The following TEX11 variants were observed in gnomAD, a reference collection of about 807,000 sequenced individuals.
TEX11 encodes the protein testis-expressed protein 11.
A neutral mutation model predicts 84.4 loss-of-function variants in TEX11; 7 were observed. The ratio of observed to expected loss-of-function variants is 0.08; its 90% CI spans 0.05 to 0.16. TEX11 has a LOEUF of 0.16. Ranked by LOEUF, TEX11 falls within the 10% of genes least tolerant of loss-of-function variation. The pLI is 1.00. For synonymous variants in TEX11, 264 were observed against 222.8 expected, an observed-to-expected ratio of 1.18 and a Z score of -1.64; for missense variants, 551 against 660.5, an observed-to-expected ratio of 0.83 and a Z score of 1.82.
chrX:70,828,124 G>A (rs1195141434), intron 8 of TEX11, among the ~76,000 whole-genome samples: 2 of 110,964 alleles, frequency 1.8e-5, no homozygotes, highest in Non-Finnish European at 3.8e-5. Context: ...ACTGGCATGA[G>A]CAAGCCTAGA....
intron 11 of TEX11, among the ~76,000 whole-genome samples, chrX:70,738,953 G>A (rs1039656739): frequency 1.8e-5 from 2 of 110,145 alleles, no homozygotes; most frequent in African/African-American, 6.6e-5. Context: ...CCTGTTAGGG[G>A]GTGGGAGGCA....
At chrX:70,624,161 T>C (rs925439590) in intron 19 of TEX11, among the ~76,000 whole-genome samples, 155 bp from the exon 20 acceptor site, 1 of 111,901 alleles carries the variant, frequency 8.9e-6, no homozygotes, top group Non-Finnish European at 1.9e-5. Context: ...TTTATATATA[T>C]TTTATTGTTT....
At chrX:70,735,501 A>G (rs1267082870) in intron 11 of TEX11, among the ~76,000 whole-genome samples, 1 of 112,357 alleles carries the variant, frequency 8.9e-6, no homozygotes, top group Non-Finnish European at 1.9e-5. Flanking sequence ...AACAATCCAA[A>G]AGTCAAGAAA....
At chrX:70,702,409 T>G (rs2090333464) in intron 13 of TEX11, among the ~76,000 whole-genome samples, 1 of 112,043 alleles carries the variant, frequency 8.9e-6, no homozygotes, top group South Asian at 3.8e-4. Context: ...CACATTTGGT[T>G]TTTAAGACAT....
At chrX:70,750,687 C>A (rs1489266912) in intron 9 of TEX11, among the ~76,000 whole-genome samples, 3 of 97,326 alleles carry the variant, frequency 3.1e-5, no homozygotes, top group African/African-American at 1.1e-4. Context: ...AACCAAACAC[C>A]GCATATTCTC....
At chrX:70,588,253 C>A (rs192451332) in intron 25 of TEX11, among the ~76,000 whole-genome samples, 1 of 111,255 alleles carries the variant, frequency 9.0e-6, no homozygotes, top group Admixed American at 9.5e-5. Context: ...TGGGAGGGTC[C>A]GGGGTGGAAC....
rs773034897 is a variant in TEX11, at chrX:70,767,071, G to A, written c.693-22852C>T. Reference sequence around the variant, plus strand: ...ATCAGTCTGGGCAAAGATTTCTTAAGTAATACCCCACAAGCACTGACACAA... The same window carrying A: ...ATCAGTCTGGGCAAAGATTTCTTAAATAATACCCCACAAGCACTGACACAA... On this transcript the variant is annotated intron_variant, in intron 9 of 29. Transcript: ENST00000374333. Among the ~76,000 whole-genome samples, 14 of 111,806 alleles carry A rather than the reference G, an allele frequency of 1.3e-4. No homozygotes were observed. In the Admixed American group the frequency reaches 1.3e-3, roughly 11 times the overall value.
intron 14 of TEX11, among the ~76,000 whole-genome samples, chrX:70,681,298 A>G (rs1034920102): frequency 8.9e-6 from 1 of 112,503 alleles, no homozygotes; most frequent in Non-Finnish European, 1.9e-5. Context: ...AAATATTATA[A>G]TACTTTGAGA....
intron 25 of TEX11, among the ~76,000 whole-genome samples, chrX:70,555,235 T>A (rs962383479): frequency 1.8e-5 from 2 of 112,241 alleles, no homozygotes; most frequent in Non-Finnish European, 3.8e-5. Context: ...GACTTTATTT[T>A]AAGCAGAATA....
intron 7 of TEX11, among the ~76,000 whole-genome samples, chrX:70,845,588 G>A (rs2091474950): frequency 9.0e-6 from 1 of 110,854 alleles, no homozygotes; most frequent in African/African-American, 3.3e-5. Context: ...AGCACTTTGG[G>A]AGGCTGAAGT....
chrX:70,524,478 T>C (rs186582030), downstream of TEX11, among the ~76,000 whole-genome samples: 2 of 112,872 alleles, frequency 1.8e-5, no homozygotes, highest in African/African-American at 6.4e-5. Context: ...ATAAGTAACA[T>C]ACTTAAAGAC....
intron 9 of TEX11, among the ~76,000 whole-genome samples, chrX:70,806,486 A>G (rs1458001233): frequency 9.0e-6 from 1 of 110,635 alleles, no homozygotes; most frequent in Non-Finnish European, 1.9e-5. Flanking sequence ...GAAAGGAAAA[A>G]AGAAAGAAAG....
rs1275498297 is a variant in TEX11, at chrX:70,779,427, A to AAG, written c.692+27277_692+27278insCT. Among the ~76,000 whole-genome samples the AAG allele has an allele frequency of 5.5e-5, 6 of 108,965 alleles. No homozygotes were observed. In the East Asian group the frequency reaches 1.7e-3, roughly 31 times the overall value. 94.6% of individuals were successfully genotyped at this position (108,965 alleles called of 115,157 possible). A position where few individuals can be genotyped will look rare whatever the true frequency, so the allele number is the denominator to read the frequency against. ...GAGACCCCGTCTCAAAAAAAAAAAA[A>AAG]AAAAAGAAAGTTTACAGCAATAAAT... On this transcript the variant is annotated intron_variant, in intron 9 of 29. Coordinates refer to ENST00000374333, the MANE Select transcript of TEX11 (RefSeq NM_031276.3).
At chrX:70,529,237 G>A in intron 29 of TEX11, 50 bp from the exon 30 acceptor site, 1 of 1,031,197 alleles carries the variant, frequency 9.7e-7, no homozygotes, top group Non-Finnish European at 1.4e-6. Flanking sequence ...AAGAAATGTG[G>A]GAAAGCTTCC....
chrX:70,671,910 T>TATATATATATATACAC (rs57166359), intron 15 of TEX11, among the ~76,000 whole-genome samples: 736 of 67,656 alleles, frequency 0.011, 10 homozygotes, highest in South Asian at 0.018. Context: ...TATATATATA[T>TATATATATATATACAC]ACACACACAC....
intron 13 of TEX11, among the ~76,000 whole-genome samples, chrX:70,690,675 G>A (rs1337979937): frequency 9.0e-6 from 1 of 111,338 alleles, no homozygotes; most frequent in Non-Finnish European, 1.9e-5. Flanking sequence ...TCCAGCCTGG[G>A]TGCTAAGAGT....
chrX:70,567,017 G>A (rs2088494097), intron 25 of TEX11, among the ~76,000 whole-genome samples: 2 of 111,615 alleles, frequency 1.8e-5, no homozygotes, highest in Non-Finnish European at 3.8e-5. Context: ...GAATTCGGCT[G>A]TGAATCCATC....
intron 13 of TEX11, among the ~76,000 whole-genome samples, chrX:70,713,756 T>G (rs1360872358): frequency 9.0e-6 from 1 of 111,659 alleles, no homozygotes; most frequent in African/African-American, 3.3e-5. Context: ...CTGGATTCAT[T>G]GAGTTTTTGA....
chrX:70,864,533 C>T (rs1273892321), intron 4 of TEX11, among the ~76,000 whole-genome samples: 2 of 108,067 alleles, frequency 1.9e-5, no homozygotes, highest in East Asian at 2.9e-4. Flanking sequence ...GTCAGGAGTT[C>T]GAGACCAGCC....
Sources: gnomAD v4.1 joint callset for allele counts (sites outside exome capture counted in the v4.1 genomes callset) on GRCh38, gnomAD v4.1.1 for gene constraint, MANE v1.5 for transcripts, NCBI Gene and HGNC (gene_info 2026-07-23, HGNC 2026-07-21) for gene names.